The following MYO1D variants were observed in gnomAD, a reference collection of about 807,000 sequenced individuals.
MYO1D encodes myosin ID, also known as unconventional myosin-Id.
A neutral mutation model predicts 122.0 loss-of-function variants in MYO1D; 83 were observed. That is an observed-to-expected ratio of 0.68 (90% CI 0.57 to 0.82). The LOEUF is 0.82. MYO1D is among the 40% of genes least tolerant of loss of function. The pLI, the probability that MYO1D is intolerant of heterozygous loss-of-function variation, is 0.00. For missense variants in MYO1D, 1,157 were observed against 1,269.5 expected, an observed-to-expected ratio of 0.91 and a Z score of 1.35; for synonymous variants, 464 against 446.9, an observed-to-expected ratio of 1.04 and a Z score of -0.48.
At chr17:32,694,741 ACTT>A (rs2089150658) in intron 16 of MYO1D, among the ~76,000 whole-genome samples, 2 of 139,126 alleles carry the variant, frequency 1.4e-5, no homozygotes, top group South Asian at 2.4e-4. Context: ...AAAATTTGCT[ACTT>A]CTTTTGTTTC....
chr17:32,506,847 G>T (rs1014165504), intron 21 of MYO1D, among the ~76,000 whole-genome samples: 4 of 152,198 alleles, frequency 2.6e-5, no homozygotes, highest in Admixed American at 2.0e-4. Flanking sequence ...CGGGTGCAGT[G>T]GCTCATGCCT....
intron 1 of MYO1D, among the ~76,000 whole-genome samples, chr17:32,854,045 A>C (rs777421955): frequency 2.0e-5 from 3 of 152,224 alleles, no homozygotes; most frequent in Admixed American, 6.5e-5. Flanking sequence ...ATAGGCAAAA[A>C]TTATCTTAGT....
intron 1 of MYO1D, among the ~76,000 whole-genome samples, chr17:32,869,054 CA>C (rs5820002): frequency 0.62 from 87,229 of 140,516 alleles, 26,591 homozygotes; most frequent in African/African-American, 0.74. Flanking sequence ...ACTAAAAATA[CA>C]AAAAAAAAAA....
At chr17:32,680,982 G>A (rs1371738160) in intron 16 of MYO1D, among the ~76,000 whole-genome samples, 2 of 152,186 alleles carry the variant, frequency 1.3e-5, no homozygotes, top group Non-Finnish European at 2.9e-5. Context: ...AGTCTTGGGA[G>A]AGTGTATGTG....
rs115445172 is a variant in MYO1D, at chr17:32,736,920, C to T, written c.1746+1333G>A. On this transcript the variant is annotated intron_variant, in intron 14 of 21. Transcript: ENST00000318217. ...CTAACGGCATTCCAGCCTCCAGTGCCAGTGTCCTTACCCCTGCCTTTCTGG... is the reference window on the plus strand; with the variant it reads ...CTAACGGCATTCCAGCCTCCAGTGCTAGTGTCCTTACCCCTGCCTTTCTGG... Among the ~76,000 whole-genome samples the T allele has an allele frequency of 5.5e-3, 836 of 152,268 alleles. 7 individuals carry two copies. The highest frequency in any genetic ancestry group is 0.018 in the African/African-American group (749 of 41,540).
intron 1 of MYO1D, among the ~76,000 whole-genome samples, chr17:32,861,123 C>T (rs2091071242): frequency 6.7e-6 from 1 of 149,218 alleles, no homozygotes; most frequent in South Asian, 2.1e-4. Flanking sequence ...GGCTGGACTG[C>T]AGTGGCGCAA....
At chr17:32,734,341 C>T (rs1166499629) in intron 14 of MYO1D, among the ~76,000 whole-genome samples, 1 of 152,048 alleles carries the variant, frequency 6.6e-6, no homozygotes, top group African/African-American at 2.4e-5. Flanking sequence ...AATGTCTGCA[C>T]AGTAATAGCC....
chr17:32,511,512 C>T (rs766217862), intron 21 of MYO1D, among the ~76,000 whole-genome samples: 7 of 150,992 alleles, frequency 4.6e-5, no homozygotes, highest in Non-Finnish European at 7.4e-5. Context: ...CAGCTCCCCC[C>T]GCGAACTTCT....
intron 13 of MYO1D, among the ~76,000 whole-genome samples, chr17:32,744,083 G>A (rs1457896172): frequency 1.3e-5 from 2 of 151,990 alleles, no homozygotes; most frequent in Non-Finnish European, 2.9e-5. Context: ...TTCTTATGTG[G>A]ACTCAGGCTC....
At chr17:32,729,795 G>C (rs980070871) in intron 14 of MYO1D, among the ~76,000 whole-genome samples, 5 of 152,156 alleles carry the variant, frequency 3.3e-5, no homozygotes, top group Non-Finnish European at 5.9e-5. Flanking sequence ...CTGGAATCCT[G>C]AATAGCTAAA....
intron 21 of MYO1D, 79 bp downstream of exon 21, chr17:32,605,008 C>T: frequency 7.4e-7 from 1 of 1,360,112 alleles, no homozygotes; most frequent in Non-Finnish European, 9.9e-7. Flanking sequence ...AAAATTGGCA[C>T]AAAACAAGCT....
At chr17:32,776,203 T>C (rs1377670116) in intron 3 of MYO1D, among the ~76,000 whole-genome samples, 174 bp from the exon 4 acceptor site, 1 of 151,306 alleles carries the variant, frequency 6.6e-6, no homozygotes, top group Non-Finnish European at 1.5e-5. Flanking sequence ...GGGATAAAAA[T>C]AAATTTTTGT....
intron 21 of MYO1D, among the ~76,000 whole-genome samples, chr17:32,557,516 G>A (rs1183854361): frequency 6.6e-6 from 1 of 151,208 alleles, no homozygotes; most frequent in East Asian, 1.9e-4. Flanking sequence ...TTCTTTTTTT[G>A]AGACAAGGTC....
Position 32,738,373 on chromosome 17 carries a change from C to A in MYO1D, c.1626G>T (p.Val542=), listed in dbSNP as rs779750777. 1.3e-6 allele frequency: 2 copies of A among 1,595,588 alleles called. No homozygotes were observed. The highest frequency in any genetic ancestry group is 2.7e-5 in the African/African-American group (2 of 74,412). ...TGCCTTCAGGCCACATATTCTTGAG[C>A]ACAGGATTTGAACTGAGAAGCACAG... ...KRLMYNSSNP[V]LKNMWPEGKL... The change falls in exon 14 of 22, where the codon GTG becomes GTT. Residue 542 remains valine, a synonymous_variant. Transcript: ENST00000318217.
At chr17:32,860,527 T>C (rs2091061683) in intron 1 of MYO1D, among the ~76,000 whole-genome samples, 1 of 152,236 alleles carries the variant, frequency 6.6e-6, no homozygotes, top group Admixed American at 6.5e-5. Context: ...GTATTTGTAT[T>C]GTTAAATTGT....
intron 15 of MYO1D, among the ~76,000 whole-genome samples, chr17:32,713,212 G>A (rs1263960435): frequency 6.6e-6 from 1 of 151,996 alleles, no homozygotes; most frequent in African/African-American, 2.4e-5. Context: ...TCATTTAGAG[G>A]GTTTTTTTGG....
intron 21 of MYO1D, among the ~76,000 whole-genome samples, chr17:32,545,939 T>C (rs755416924): frequency 2.6e-5 from 4 of 152,118 alleles, no homozygotes; most frequent in Non-Finnish European, 5.9e-5. Flanking sequence ...GGAGTATGCA[T>C]CTGAAGCCCT....
intron 1 of MYO1D, among the ~76,000 whole-genome samples, chr17:32,791,697 CT>C (rs1244642389): frequency 6.6e-6 from 1 of 152,064 alleles, no homozygotes; most frequent in African/African-American, 2.4e-5. Context: ...TATCGTCTAC[CT>C]TTTTTGTAAA....
chr17:32,785,873 G>C (rs1474029969), intron 1 of MYO1D, among the ~76,000 whole-genome samples: 1 of 152,096 alleles, frequency 6.6e-6, no homozygotes, highest in Non-Finnish European at 1.5e-5. Flanking sequence ...CATTTAAGGA[G>C]GATAAAGTAA....
Sources: gnomAD v4.1 joint callset for allele counts (sites outside exome capture counted in the v4.1 genomes callset) on GRCh38, gnomAD v4.1.1 for gene constraint, MANE v1.5 for transcripts, NCBI Gene and HGNC (gene_info 2026-07-23, HGNC 2026-07-21) for gene names.